The following LTBP1 variants were observed in gnomAD, a reference collection of about 807,000 sequenced individuals.
LTBP1 encodes latent transforming growth factor beta binding protein 1, also known as latent-transforming growth factor beta-binding protein 1.
LTBP1 carries 129 observed loss-of-function variants against 207.6 expected under a neutral mutation model. That is an observed-to-expected ratio of 0.62 (90% confidence interval 0.54 to 0.72). The LOEUF (loss-of-function observed/expected upper bound fraction) is 0.72, where lower values mean the gene tolerates loss of function less well. Among genes scored for constraint, LTBP1 ranks in the 30% least tolerant of loss-of-function variants. LTBP1 has a pLI of 0.00. For synonymous variants in LTBP1, 963 were observed against 833.7 expected (o/e 1.16, Z -2.67); for missense variants, 2,281 against 2,217.2 (o/e 1.03, Z -0.58).
intron 2 of LTBP1, among the ~76,000 whole-genome samples, chr2:33,007,390 A>G (rs1173276491): frequency 3.3e-5 from 5 of 152,220 alleles, no homozygotes; most frequent in African/African-American, 1.2e-4. Flanking sequence ...ACCTGAAGGA[A>G]TGCTGTCAAA....
chr2:33,395,601 G>T (rs779833817), intron 32 of LTBP1, among the ~76,000 whole-genome samples: 6 of 151,844 alleles, frequency 4.0e-5, no homozygotes, highest in Admixed American at 1.3e-4. Context: ...GAATGTAAGA[G>T]AAACTCTGAC....
intron 24 of LTBP1, among the ~76,000 whole-genome samples, chr2:33,334,367 T>C (rs1458993078): frequency 2.6e-5 from 4 of 152,220 alleles, no homozygotes; most frequent in Admixed American, 6.5e-5. Flanking sequence ...AACTATTTGA[T>C]TGGACTGTTT....
chr2:33,150,558 AT>A (rs2083426888), intron 5 of LTBP1, among the ~76,000 whole-genome samples: 1 of 151,586 alleles, frequency 6.6e-6, no homozygotes, highest in Non-Finnish European at 1.5e-5. Flanking sequence ...TTAAGTAAAA[AT>A]TCCCCATTCC....
intron 31 of LTBP1, among the ~76,000 whole-genome samples, chr2:33,374,166 G>C (rs1193726750): frequency 6.6e-6 from 1 of 152,192 alleles, no homozygotes; most frequent in African/African-American, 2.4e-5. Flanking sequence ...CCTGTCAGCA[G>C]TCACGGTTTA....
chr2:33,397,078 A>G, intron 32 of LTBP1, 55 bp from the exon 33 acceptor site: 17 of 1,541,812 alleles, frequency 1.1e-5, no homozygotes, highest in Non-Finnish European at 1.3e-5. Context: ...ATCATTTACA[A>G]AATGATATAG....
intron 9 of LTBP1, among the ~76,000 whole-genome samples, chr2:33,237,360 A>G (rs2092100299): frequency 6.6e-6 from 1 of 152,230 alleles, no homozygotes; most frequent in South Asian, 2.1e-4. Context: ...CAGAGGTCTC[A>G]CAAAGTCTGT....
chr2:33,151,777 A>G (rs570946053), intron 5 of LTBP1, among the ~76,000 whole-genome samples: 1 of 151,214 alleles, frequency 6.6e-6, no homozygotes, highest in Admixed American at 6.6e-5. Context: ...TCTATGTGGC[A>G]AATGCCATTA....
intron 24 of LTBP1, among the ~76,000 whole-genome samples, chr2:33,341,582 G>A (rs1226764839): frequency 6.6e-6 from 1 of 151,378 alleles, no homozygotes; most frequent in Non-Finnish European, 1.5e-5. Context: ...GTGGTGGCGA[G>A]TGCCTGTAGT....
At chr2:33,100,764 A>G (rs751770205) in intron 3 of LTBP1, among the ~76,000 whole-genome samples, 1 of 152,172 alleles carries the variant, frequency 6.6e-6, no homozygotes, top group Non-Finnish European at 1.5e-5. Flanking sequence ...CCTATTTCAG[A>G]GACCTCATAG....
chr2:33,344,338 A>G (rs2094672393), intron 25 of LTBP1, among the ~76,000 whole-genome samples: 1 of 152,194 alleles, frequency 6.6e-6, no homozygotes, highest in South Asian at 2.1e-4. Flanking sequence ...CAGTTGTTTG[A>G]CGTTTGGATA....
chr2:33,008,696 G>C (rs1396957410), intron 2 of LTBP1, among the ~76,000 whole-genome samples: 1 of 152,236 alleles, frequency 6.6e-6, no homozygotes, highest in Non-Finnish European at 1.5e-5. Context: ...TTTACTGGAA[G>C]AAGTGGACAA....
chr2:33,261,971 G>C (rs976340964), intron 13 of LTBP1, among the ~76,000 whole-genome samples: 7 of 152,202 alleles, frequency 4.6e-5, no homozygotes, highest in African/African-American at 1.7e-4. Flanking sequence ...GTCACATCTG[G>C]TGTGAGTGAA....
chr2:33,337,751 CT>C (rs2149583141), intron 24 of LTBP1, among the ~76,000 whole-genome samples: 1 of 152,282 alleles, frequency 6.6e-6, no homozygotes, highest in Non-Finnish European at 1.5e-5. Context: ...CAGAATCACC[CT>C]TCATTAAGTG....
At chr2:33,263,508 A>C in intron 15 of LTBP1, 116 bp downstream of exon 15, 2 of 632,980 alleles carry the variant, frequency 3.2e-6, no homozygotes, top group Non-Finnish European at 2.8e-6. Flanking sequence ...CCATACTAGC[A>C]AATATTTGGA....
intron 24 of LTBP1, among the ~76,000 whole-genome samples, chr2:33,332,596 G>T (rs574557973): frequency 2.0e-5 from 3 of 149,826 alleles, no homozygotes; most frequent in African/African-American, 7.4e-5. Context: ...TTGCTCTGTC[G>T]CCCAGGCTGG....
rs1193082737 is a variant in LTBP1, at chr2:33,364,338, C to T, written c.4522C>T (p.Arg1508Ter). ...VLDASEKRCIRPAESNEQIEE... is the reference protein window; with the variant it reads ...VLDASEKRCI ...GGATGCGTCAGAAAAAAGATGTATA[C>T]GACCGGCTGAGTCAAACGGTATGTT... The change falls in exon 30 of 34, where the codon CGA (arginine) becomes TGA (stop). Residue 1508 changes from arginine to a stop codon, truncating the protein, a stop_gained. Coordinates refer to ENST00000404816, the MANE Select transcript of LTBP1 (RefSeq NM_206943.4). LOFTEE classifies it high-confidence loss of function. The T allele has an allele frequency of 5.0e-6, 8 of 1,613,364 alleles. No homozygotes were observed. The highest frequency in any genetic ancestry group is 6.8e-6 in the Non-Finnish European group (8 of 1,179,814).
At chr2:33,264,040 G>C (rs551109386) in intron 15 of LTBP1, among the ~76,000 whole-genome samples, 2 of 151,624 alleles carry the variant, frequency 1.3e-5, no homozygotes, top group African/African-American at 4.8e-5. Context: ...CAGATCACTA[G>C]GTCAGGAGAT....
At position 33,134,286 on chromosome 2, in the gene LTBP1, T is replaced by C. The variant is rs995327180; in HGVS notation, c.1034-507T>C. The C allele has an allele frequency of 1.0e-5, 4 of 381,770 alleles. No homozygotes were observed. Among genetic ancestry groups the C allele is most frequent in the African/African-American group, 6.3e-5 (3 of 47,682 alleles). The allele number at this position is 381,770 out of a possible 1,614,324, so 23.6% of individuals were successfully genotyped here. A position where few individuals can be genotyped will look rare whatever the true frequency, so the allele number is the denominator to read the frequency against. On this transcript the variant is annotated intron_variant, in intron 4 of 33. Transcript: ENST00000404816. The surrounding 1 kb of genome is among the most constrained non-coding windows in gnomAD (Gnocchi z 4.4). ...GATTTGAGACAGATGTTTTCAGACA[T>C]GCCGCATGCCTAAAACATTTCCAGG...
chr2:33,140,301 G>A (rs889144688), intron 5 of LTBP1, among the ~76,000 whole-genome samples: 1 of 152,140 alleles, frequency 6.6e-6, no homozygotes, highest in Non-Finnish European at 1.5e-5. Context: ...AGCATATGGA[G>A]TTTTTTCTGG....
Sources: allele counts gnomAD v4.1 joint callset (sites outside exome capture counted in the v4.1 genomes callset), GRCh38; gene constraint gnomAD v4.1.1; non-coding constraint Gnocchi (gnomAD v3.1); transcripts MANE v1.5; gene names NCBI Gene and HGNC (gene_info 2026-07-23, HGNC 2026-07-21).